The following CRACR2A variants were observed in gnomAD, a reference collection of about 807,000 sequenced individuals.
CRACR2A encodes calcium release activated channel regulator 2A.
In CRACR2A, 79 loss-of-function variants were observed where a neutral mutation model predicts 90.5. The ratio of observed to expected loss-of-function variants is 0.87; its 90% CI spans 0.73 to 1.05. The LOEUF is 1.05. Among genes scored for constraint, CRACR2A ranks in the 50% least tolerant of loss-of-function variants. CRACR2A has a pLI of 0.00. For synonymous variants in CRACR2A, 338 were observed against 356.7 expected (o/e 0.95, Z 0.59); for missense variants, 823 against 897.2 (o/e 0.92, Z 1.06).
chr12:3,642,868 A>T (rs777268258), intron 12 of CRACR2A, among the ~76,000 whole-genome samples: 12 of 152,202 alleles, frequency 7.9e-5, no homozygotes, highest in Non-Finnish European at 4.4e-5. Flanking sequence ...TAGCCATCCC[A>T]TGATTCCCAG....
At chr12:3,634,558 C>G (rs1332922484) in intron 14 of CRACR2A, among the ~76,000 whole-genome samples, 1 of 152,230 alleles carries the variant, frequency 6.6e-6, no homozygotes, top group Admixed American at 6.5e-5. Context: ...CCTTCCAGCA[C>G]AGCGTCCTTC....
rs80181043 is a variant in CRACR2A at position 3,644,447 on chromosome 12, T to G, written c.1164+148A>C. 853 of 815,138 alleles carry G rather than the reference T, an allele frequency of 1.0e-3. 3 individuals are homozygous for G. In the African/African-American group the frequency reaches 0.011, roughly 10 times the overall value. The allele number at this position is 815,138 out of a possible 1,614,324, so 50.5% of individuals were successfully genotyped here. A position where few individuals can be genotyped will look rare whatever the true frequency, so the allele number is the denominator to read the frequency against. On this transcript the variant is annotated intron_variant, in intron 12 of 19. Transcript: ENST00000440314. ...TACCCAGTAGGCCACCCTGAATTTT[T>G]ATTATTTGCAAAACGTTTTCATGCC...
At chr12:3,680,466 G>A (rs1945427536) in intron 4 of CRACR2A, 117 bp from the exon 5 acceptor site, 2 of 765,938 alleles carry the variant, frequency 2.6e-6, no homozygotes, top group Non-Finnish European at 4.3e-6. Flanking sequence ...TCCTACAAAA[G>A]CCAGTAGAAA....
chr12:3,655,301 A>T (rs759752868), intron 9 of CRACR2A, among the ~76,000 whole-genome samples: 1 of 152,146 alleles, frequency 6.6e-6, no homozygotes, highest in Non-Finnish European at 1.5e-5. Flanking sequence ...AGAGTAGGAG[A>T]AGCAAGGTAC....
Position 3,696,928 on chromosome 12 carries a change from C to G in CRACR2A, c.72G>C (p.Lys24Asn), listed in dbSNP as rs1945750080. The change falls in exon 4 of 20, where the codon AAG becomes AAC. Residue 24 changes from lysine to asparagine, a missense_variant. Physicochemically the swap from Lys to Asn is moderately conservative, Grantham distance 94. Transcript: ENST00000440314. ...GGGGATGCAGGCAGGCTCCACTCCC[C>G]TTTGGCCCCTGGCCAGACCCCTGAC... ...RLGQGSGQGP[K>N]GSGACLHPLD... The G allele has an allele frequency of 2.5e-6, 4 of 1,614,104 alleles. No individual in the cohort carries two copies. The highest frequency in any genetic ancestry group is 3.4e-6 in the Non-Finnish European group (4 of 1,180,044).
Position 3,633,472 on chromosome 12 carries a change from C to T in CRACR2A, c.1735+132G>A, listed in dbSNP as rs576553889. 2 of 1,226,076 alleles carry T rather than the reference C, an allele frequency of 1.6e-6. No individual in the cohort carries two copies. 75.9% of individuals were successfully genotyped at this position (1,226,076 alleles called of 1,614,324 possible). ...CAGCCTGTCTGTTGAACAGAGCAGA[C>T]ACCAGTATCCCTACTGGCCAATCCC... is the stretch of plus-strand genomic sequence containing the variant. On this transcript the variant is annotated intron_variant, in intron 15 of 19. Transcript: ENST00000440314. This position sits in a 1 kb window ranked among gnomAD's most constrained non-coding sequence, Gnocchi z 4.5.
chr12:3,666,354 T>TGTGTGC (rs372810487), intron 7 of CRACR2A, among the ~76,000 whole-genome samples: 23 of 145,052 alleles, frequency 1.6e-4, no homozygotes, highest in African/African-American at 3.1e-4. Flanking sequence ...TGTGTGTGTG[T>TGTGTGC]GCGTGCGTGT....
chr12:3,629,027 G>T (rs550230290), intron 15 of CRACR2A, among the ~76,000 whole-genome samples: 2 of 152,308 alleles, frequency 1.3e-5, no homozygotes, highest in East Asian at 3.9e-4. Context: ...CGCTGAGAAA[G>T]TGATTTCTCC....
intron 7 of CRACR2A, chr12:3,672,642 C>T (rs1803808433): frequency 1.9e-6 from 1 of 526,080 alleles, no homozygotes; most frequent in South Asian, 8.3e-5. Flanking sequence ...TGTTAAAGGA[C>T]TATGAACAGC....
chr12:3,680,249 G>A lies in CRACR2A; in HGVS notation c.329C>T (p.Thr110Ile), dbSNP rs779822961. The change falls in exon 5 of 20, where the codon ACT becomes ATT. Residue 110 changes from threonine (T) to isoleucine (I), a missense_variant. Physicochemically the swap from Thr to Ile is moderately conservative, Grantham distance 89. Coordinates refer to ENST00000440314, the MANE Select transcript of CRACR2A (RefSeq NM_001144958.2). ...CCATCAGAACTTACTAAATCCAGTAGTGAACTCCTGTGGGGTCAGATAGCC... is the reference window on the plus strand; with the variant it reads ...CCATCAGAACTTACTAAATCCAGTAATGAACTCCTGTGGGGTCAGATAGCC... ...GNGYLTPQEF[T>I]TGFSHFFFSQ... 2.5e-6 allele frequency: 4 copies of A among 1,614,004 alleles called. No homozygotes were observed. Among genetic ancestry groups the A allele is most frequent in the Non-Finnish European group, 3.4e-6 (4 of 1,179,852 alleles).
intron 17 of CRACR2A, among the ~76,000 whole-genome samples, chr12:3,624,735 T>C (rs1003441424): frequency 1.3e-5 from 2 of 152,202 alleles, no homozygotes; most frequent in South Asian, 4.1e-4. Context: ...CACAGGGTCA[T>C]CCCTGGACCA....
intron 1 of CRACR2A, among the ~76,000 whole-genome samples, chr12:3,750,989 C>A (rs561857284): frequency 6.6e-6 from 1 of 152,358 alleles, no homozygotes; most frequent in Admixed American, 6.5e-5. Context: ...ACTCTGGAAT[C>A]CAAATCGCCA....
rs1453203844 is a variant in CRACR2A, at chr12:3,746,887, C to G, written c.-387+6128G>C. Among the ~76,000 whole-genome samples, 4 of 152,240 alleles carry G rather than the reference C, an allele frequency of 2.6e-5. No individual in the cohort carries two copies. The highest frequency in any genetic ancestry group is 4.4e-5 in the Non-Finnish European group (3 of 68,044). On this transcript the variant is annotated intron_variant, in intron 1 of 19. Coordinates refer to ENST00000440314, the MANE Select transcript of CRACR2A (RefSeq NM_001144958.2). The surrounding 1 kb of genome is among the most constrained non-coding windows in gnomAD (Gnocchi z 4.4). ...AGTACACCCTTAGCATGGAACTCAA[C>G]CACAAGCTCTCAAAACAGGTAATGT... is the stretch of plus-strand genomic sequence containing the variant.
intron 7 of CRACR2A, among the ~76,000 whole-genome samples, chr12:3,666,096 G>T (rs997647508): frequency 9.9e-5 from 15 of 152,068 alleles, no homozygotes; most frequent in Admixed American, 5.2e-4. Context: ...GGGGAGGAGG[G>T]GGGAGTTATC....
chr12:3,689,264 T>G (rs1025596604), intron 4 of CRACR2A, among the ~76,000 whole-genome samples: 4 of 152,228 alleles, frequency 2.6e-5, no homozygotes, highest in Non-Finnish European at 5.9e-5. Context: ...CATCCTTGTC[T>G]TGTGCTGGTT....
chr12:3,632,285 T>G (rs535768825), intron 15 of CRACR2A, among the ~76,000 whole-genome samples: 2 of 152,274 alleles, frequency 1.3e-5, no homozygotes, highest in South Asian at 4.1e-4. Flanking sequence ...ATGAGCCAAT[T>G]AAACCTCTTT....
chr12:3,656,820 G>A lies in CRACR2A; in HGVS notation c.763-414C>T, dbSNP rs117897887. ...GCAGATGACCCCTCGGACACCTTCC[G>A]ACCTGGATATTCTGTTCCAGGTTGG... On this transcript the variant is annotated intron_variant, in intron 8 of 19. Coordinates refer to ENST00000440314, the MANE Select transcript of CRACR2A (RefSeq NM_001144958.2). Among the ~76,000 whole-genome samples the A allele has an allele frequency of 5.5e-4, 84 of 152,282 alleles. No homozygotes were observed. The East Asian group carries it at 0.014, about 26-fold the overall frequency.
At chr12:3,666,364 T>TGTGTGTGTGCGCGCGC (rs765943563) in intron 7 of CRACR2A, among the ~76,000 whole-genome samples, 3 of 149,498 alleles carry the variant, frequency 2.0e-5, no homozygotes, top group Admixed American at 6.6e-5. Context: ...TGCGTGCGTG[T>TGTGTGTGTGCGCGCGC]GCGCGTGCGC....
At chr12:3,694,615 G>A (rs560045231) in intron 4 of CRACR2A, among the ~76,000 whole-genome samples, 124 of 152,280 alleles carry the variant, frequency 8.1e-4, no homozygotes, top group African/African-American at 2.8e-3. Flanking sequence ...GAGAACCGGG[G>A]GGCATGGGGA....
Sources: allele counts gnomAD v4.1 joint callset (sites outside exome capture counted in the v4.1 genomes callset), GRCh38; gene constraint gnomAD v4.1.1; non-coding constraint Gnocchi (gnomAD v3.1); transcripts MANE v1.5; gene names NCBI Gene and HGNC (gene_info 2026-07-23, HGNC 2026-07-21).